CLUL1: variants seen among roughly 807,000 people sequenced by gnomAD.
CLUL1 encodes the protein clusterin like 1.
A neutral mutation model predicts 49.4 loss-of-function variants in CLUL1; 43 were observed. The observed-to-expected ratio is 0.87, with a 90% CI of 0.68 to 1.12. The LOEUF (loss-of-function observed/expected upper bound fraction) is 1.12, where lower values mean the gene tolerates loss of function less well. CLUL1 is among the 50% of genes most tolerant of loss of function. CLUL1 has a pLI of 0.00. For missense variants in CLUL1, 486 were observed against 544.4 expected (o/e 0.89, Z 1.07); for synonymous variants, 192 against 184.9 (o/e 1.04, Z -0.31).
chr18:619,872 G>A (rs2073436053), intron 4 of CLUL1, among the ~76,000 whole-genome samples: 1 of 151,978 alleles, frequency 6.6e-6, no homozygotes, highest in African/African-American at 2.4e-5. Context: ...ACCACGCCTG[G>A]CTAATTTTTG....
At position 629,861 on chromosome 18, in the gene CLUL1, G is replaced by A. The variant is rs192707768; in HGVS notation, c.856+2332G>A. Among the ~76,000 whole-genome samples, 21 of 152,292 alleles carry A rather than the reference G, an allele frequency of 1.4e-4. No individual in the cohort carries two copies. The East Asian group carries it at 2.3e-3, about 17-fold the overall frequency. On this transcript the variant is annotated intron_variant, in intron 6 of 9. Transcript: ENST00000692774. ...GTTTATCAAGAATAGTCAGGCAGGC[G>A]CTCTACAGCACTTGAATGTGGTTTC... is the stretch of plus-strand genomic sequence containing the variant.
chr18:634,547 A>G (rs2144126903), intron 7 of CLUL1, among the ~76,000 whole-genome samples: 1 of 152,276 alleles, frequency 6.6e-6, no homozygotes, highest in African/African-American at 2.4e-5. Context: ...TGTGCAAAAG[A>G]AAAACCTTGA....
chr18:598,655 A>T (rs1445319754), intron 1 of CLUL1: 1 of 398,028 alleles, frequency 2.5e-6, no homozygotes, highest in Non-Finnish European at 4.4e-6. Context: ...GAGTTCTTGG[A>T]TGGTTTTCTA....
At chr18:601,048 T>C (rs2072813719) in intron 1 of CLUL1, among the ~76,000 whole-genome samples, 1 of 152,170 alleles carries the variant, frequency 6.6e-6, no homozygotes, top group Non-Finnish European at 1.5e-5. Flanking sequence ...AATATCTGGA[T>C]TACTTCGTGC....
At chr18:601,204 T>G (rs1052897012) in intron 1 of CLUL1, among the ~76,000 whole-genome samples, 1 of 152,226 alleles carries the variant, frequency 6.6e-6, no homozygotes, top group African/African-American at 2.4e-5. Context: ...TCATGCTTTG[T>G]ATCTTGTGCT....
chr18:610,311 C>T (rs1056142385), intron 2 of CLUL1, among the ~76,000 whole-genome samples: 3 of 152,112 alleles, frequency 2.0e-5, no homozygotes, highest in South Asian at 2.1e-4. Flanking sequence ...TTCATGTGGG[C>T]CTTTATAATG....
In CLUL1 at chr18:641,306, C is replaced by T. The variant is rs1449194297; in HGVS notation, c.995-21C>T. On this transcript the variant is annotated intron_variant, in intron 7 of 9. Transcript: ENST00000692774. ...GTTTCATGGACTTTTTCCTTCTCCA[C>T]ATTACTTTCTTCTCTGCTAGACTGT... is the stretch of plus-strand genomic sequence containing the variant. 1.9e-6 allele frequency: 3 copies of T among 1,608,528 alleles called. No homozygotes were observed. In the African/African-American group the frequency reaches 4.0e-5, roughly 22 times the overall value.
chr18:627,433 C>T lies in CLUL1; in HGVS notation c.760C>T (p.Leu254=). 2 of 1,613,854 alleles carry T rather than the reference C, an allele frequency of 1.2e-6. No homozygotes were observed. Among genetic ancestry groups the T allele is most frequent in the Non-Finnish European group, 1.7e-6 (2 of 1,179,760 alleles). ...QCWDIPNFFQ[L]FCNFSVSIYE... ...TTGGGACATTCCCAACTTCTTCCAG[C>T]TGTTTTGTAATTTCAGTGTCTCTAT... The change falls in exon 6 of 10, where the codon CTG becomes TTG. Residue 254 remains leucine (L), a synonymous_variant. Transcript: ENST00000692774.
At chr18:640,417 A>G (rs1038726589) in intron 7 of CLUL1, among the ~76,000 whole-genome samples, 5 of 151,816 alleles carry the variant, frequency 3.3e-5, no homozygotes, top group African/African-American at 7.3e-5. Context: ...CTTGAAAAAA[A>G]AGAAAAGAAA....
intron 3 of CLUL1, 145 bp from the exon 4 acceptor site, chr18:619,068 C>A: frequency 4.4e-6 from 3 of 689,652 alleles, no homozygotes; most frequent in Non-Finnish European, 7.0e-6. Context: ...TGGCAGCTGA[C>A]AGCTAATTCA....
At chr18:642,488 C>T (rs2074371654) in intron 8 of CLUL1, among the ~76,000 whole-genome samples, 1 of 152,126 alleles carries the variant, frequency 6.6e-6, no homozygotes, top group African/African-American at 2.4e-5. Flanking sequence ...TACCATGACT[C>T]CCAGATTCAG....
intron 9 of CLUL1, among the ~76,000 whole-genome samples, chr18:647,238 G>A (rs977407885): frequency 1.3e-5 from 2 of 149,430 alleles, no homozygotes; most frequent in Admixed American, 1.3e-4. Flanking sequence ...TAAAAATACG[G>A]CAAGAAAGAG....
At chr18:628,644 T>C (rs2073887422) in intron 6 of CLUL1, among the ~76,000 whole-genome samples, 1 of 151,104 alleles carries the variant, frequency 6.6e-6, no homozygotes, top group African/African-American at 2.4e-5. Flanking sequence ...TTTTTCTTTT[T>C]TTTTTTTTTT....
In CLUL1 at chr18:624,846, T is replaced by G. The variant is rs779323122; in HGVS notation, c.256-19T>G. On this transcript the variant is annotated intron_variant, in intron 4 of 9. Transcript: ENST00000692774. The stretch of plus-strand genomic sequence containing the variant: ...GATTATGAAATGGAAATTGGACTTT[T>G]GTTTCTACTTTTAACTAGGAGGCCC... 9.3e-6 allele frequency: 15 copies of G among 1,611,602 alleles called. No individual in the cohort carries two copies. The highest frequency in any genetic ancestry group is 1.2e-5 in the Non-Finnish European group (14 of 1,178,716).
At chr18:626,925 A>G (rs868375366) in intron 5 of CLUL1, among the ~76,000 whole-genome samples, 172 bp from the exon 6 acceptor site, 517 of 2,456 alleles carry the variant, frequency 0.21, 133 homozygotes, top group South Asian at 0.5. Context: ...GAAAGAAAGA[A>G]AGAAGGAAAG....
chr18:601,645 C>CAAAAA (rs34502741), intron 1 of CLUL1, among the ~76,000 whole-genome samples: 1 of 138,696 alleles, frequency 7.2e-6, no homozygotes. Flanking sequence ...GACTCCATCT[C>CAAAAA]AAAAAAAAAA....
Position 606,853 on chromosome 18 carries a change from C to T in CLUL1, c.-135-125C>T. On this transcript the variant is annotated intron_variant, in intron 1 of 9. Coordinates refer to ENST00000692774, the MANE Select transcript of CLUL1 (RefSeq NM_001393344.1). This position sits in a 1 kb window ranked among gnomAD's most constrained non-coding sequence, Gnocchi z 4.1. ...TTGGGCATCTGCCTTCCCCCACCAGCACCCCCCACAAGGCAAGGCCAGTTC... is the reference window on the plus strand; with the variant it reads ...TTGGGCATCTGCCTTCCCCCACCAGTACCCCCCACAAGGCAAGGCCAGTTC... 1 of 500,918 alleles carries T rather than the reference C, an allele frequency of 2.0e-6. No homozygotes were observed. Among genetic ancestry groups the T allele is most frequent in the Non-Finnish European group, 3.5e-6 (1 of 282,448 alleles). 31.0% of individuals were successfully genotyped at this position (500,918 alleles called of 1,614,324 possible). A position where few individuals can be genotyped will look rare whatever the true frequency, so the allele number is the denominator to read the frequency against.
intron 8 of CLUL1, among the ~76,000 whole-genome samples, chr18:644,708 A>G (rs907765227): frequency 6.6e-6 from 1 of 152,232 alleles, no homozygotes. Context: ...CAGGCTTCTC[A>G]GTGTTTACTG....
At chr18:620,396 T>C (rs1323434293) in intron 4 of CLUL1, among the ~76,000 whole-genome samples, 1 of 152,002 alleles carries the variant, frequency 6.6e-6, no homozygotes, top group African/African-American at 2.4e-5. Flanking sequence ...TTGTTAAGCC[T>C]CCTGTCCATT....
Sources: gnomAD v4.1 joint callset for allele counts (sites outside exome capture counted in the v4.1 genomes callset) on GRCh38, gnomAD v4.1.1 for gene constraint, Gnocchi (gnomAD v3.1) non-coding constraint, MANE v1.5 for transcripts, NCBI Gene and HGNC (gene_info 2026-07-23, HGNC 2026-07-21) for gene names.